FRMD4A: variants seen among roughly 807,000 people sequenced by gnomAD.
The protein encoded by FRMD4A is FERM domain-containing protein 4A.
In FRMD4A, 29 loss-of-function variants were observed where a neutral mutation model predicts 129.1. The ratio of observed to expected loss-of-function variants is 0.22; its 90% CI spans 0.17 to 0.31. The LOEUF (loss-of-function observed/expected upper bound fraction) is 0.31. FRMD4A is among the 10% of genes least tolerant of loss of function. FRMD4A has a pLI of 1.00. For synonymous variants in FRMD4A, 634 were observed against 571.6 expected (o/e 1.11, Z -1.56); for missense variants, 1,272 against 1,375.8 (o/e 0.92, Z 1.19).
At chr10:13,904,992 C>CAAAAAAAAAA (rs397772526) in intron 2 of FRMD4A, among the ~76,000 whole-genome samples, 1 of 109,394 alleles carries the variant, frequency 9.1e-6, no homozygotes, top group African/African-American at 3.6e-5. Context: ...GACTCTATCT[C>CAAAAAAAAAA]AAAAAAAAAA....
rs779767046 is a variant in FRMD4A, at chr10:13,700,488, G to T, written c.975+852C>A. Among the ~76,000 whole-genome samples, 6 of 152,310 alleles carry T rather than the reference G, an allele frequency of 3.9e-5. 1 individual carries two copies. The South Asian group carries it at 8.3e-4, about 21-fold the overall frequency. On this transcript the variant is annotated intron_variant, in intron 14 of 24. Coordinates refer to ENST00000357447, the MANE Select transcript of FRMD4A (RefSeq NM_018027.5). ...AGTGCTAGAAACCACTAGCCCAGGG[G>T]CCCAGGGTGACCTCAGTCTGTATTC...
chr10:14,210,004 C>T (rs563570853), intron 2 of FRMD4A, among the ~76,000 whole-genome samples: 40 of 152,264 alleles, frequency 2.6e-4, no homozygotes, highest in Admixed American at 9.8e-4. Context: ...GGAAGGATTC[C>T]AGGAGGAGCC....
At chr10:13,728,582 T>TTTTTTTTTTTTTTC (rs2090085998) in intron 12 of FRMD4A, among the ~76,000 whole-genome samples, 1 of 133,586 alleles carries the variant, frequency 7.5e-6, no homozygotes, top group African/African-American at 2.7e-5. Flanking sequence ...TCTTTTTTTT[T>TTTTTTTTTTTTTTC]TTTTTTTTGA....
At chr10:14,091,176 A>C (rs1836639278) in intron 2 of FRMD4A, among the ~76,000 whole-genome samples, 1 of 152,158 alleles carries the variant, frequency 6.6e-6, no homozygotes, top group Admixed American at 6.5e-5. Context: ...CACAAAATTC[A>C]CTTAATTTCT....
chr10:13,771,769 T>A (rs1233756313), intron 6 of FRMD4A, among the ~76,000 whole-genome samples: 1 of 152,012 alleles, frequency 6.6e-6, no homozygotes, highest in Non-Finnish European at 1.5e-5. Context: ...AATTGAAATG[T>A]GATGAATGTC....
chr10:13,952,355 G>A (rs955167728), intron 2 of FRMD4A, among the ~76,000 whole-genome samples: 1 of 151,824 alleles, frequency 6.6e-6, no homozygotes, highest in Non-Finnish European at 1.5e-5. Context: ...TTAAAAAGGA[G>A]CCAGGTGTGG....
At chr10:13,706,510 C>T (rs922946360) in intron 13 of FRMD4A, among the ~76,000 whole-genome samples, 1 of 152,068 alleles carries the variant, frequency 6.6e-6, no homozygotes, top group African/African-American at 2.4e-5. Context: ...CACATCCACC[C>T]ACAATACTAA....
chr10:13,651,695 T>C (rs2081604207), intron 24 of FRMD4A: 4 of 568,134 alleles, frequency 7.0e-6, no homozygotes, highest in African/African-American at 1.9e-5. Flanking sequence ...ACTCTGGGGG[T>C]CTTTTCTGGG....
At chr10:13,864,292 C>T (rs1279942602) in intron 2 of FRMD4A, among the ~76,000 whole-genome samples, 5 of 145,648 alleles carry the variant, frequency 3.4e-5, no homozygotes, top group East Asian at 2.0e-4. Flanking sequence ...CACCACACCC[C>T]GCCATAGCAA....
intron 14 of FRMD4A, among the ~76,000 whole-genome samples, chr10:13,696,872 A>T (rs1047250103): frequency 1.3e-5 from 2 of 152,202 alleles, no homozygotes; most frequent in Non-Finnish European, 2.9e-5. Context: ...CCCACATCCC[A>T]GAGTTGTGAT....
chr10:13,740,092 C>G (rs1290536012), intron 11 of FRMD4A, 102 bp downstream of exon 11: 4 of 778,778 alleles, frequency 5.1e-6, no homozygotes, highest in Non-Finnish European at 6.7e-6. Context: ...AAGCAAGACT[C>G]TATCTCAAAA....
chr10:14,043,585 C>T (rs1411278868), intron 2 of FRMD4A, among the ~76,000 whole-genome samples: 1 of 152,188 alleles, frequency 6.6e-6, no homozygotes, highest in Non-Finnish European at 1.5e-5. Context: ...ATGAGGATTT[C>T]TCTGTTTCCT....
At chr10:13,894,201 C>T (rs1445102452) in intron 2 of FRMD4A, among the ~76,000 whole-genome samples, 1 of 152,210 alleles carries the variant, frequency 6.6e-6, no homozygotes, top group Non-Finnish European at 1.5e-5. Context: ...ACCAGGATGT[C>T]TCCAGCAGCC....
intron 2 of FRMD4A, among the ~76,000 whole-genome samples, chr10:14,309,790 A>G (rs961577250): frequency 2.6e-5 from 4 of 151,906 alleles, no homozygotes; most frequent in African/African-American, 9.7e-5. Context: ...CCTCTTCCCA[A>G]CGTAGTCTTC....
At chr10:13,993,491 T>G (rs2095610906) in intron 2 of FRMD4A, among the ~76,000 whole-genome samples, 1 of 152,228 alleles carries the variant, frequency 6.6e-6, no homozygotes, top group Non-Finnish European at 1.5e-5. Flanking sequence ...TAGTTTTAAG[T>G]AGGACCACAC....
rs988637918 is a variant in FRMD4A, at chr10:13,742,405, C to T, written c.549-1828G>A. Among the ~76,000 whole-genome samples the T allele has an allele frequency of 2.6e-5, 4 of 152,214 alleles. No homozygotes were observed. The South Asian group carries it at 8.3e-4, about 31-fold the overall frequency. On this transcript the variant is annotated intron_variant, in intron 9 of 24. Transcript: ENST00000357447. ...TGGTCTGGCCCCAGAGCCTTGGAACCTCAGTTCTCACTCTCAGGTCTTACT... is the reference window on the plus strand; with the variant it reads ...TGGTCTGGCCCCAGAGCCTTGGAACTTCAGTTCTCACTCTCAGGTCTTACT...
intron 3 of FRMD4A, among the ~76,000 whole-genome samples, chr10:13,815,656 T>G (rs1185045782): frequency 1.3e-5 from 2 of 152,168 alleles, no homozygotes; most frequent in Non-Finnish European, 1.5e-5. Context: ...CTACCTCTGT[T>G]GACCCTGCTT....
chr10:14,054,238 C>T (rs1234947822), intron 2 of FRMD4A, among the ~76,000 whole-genome samples: 1 of 152,146 alleles, frequency 6.6e-6, no homozygotes, highest in Non-Finnish European at 1.5e-5. Flanking sequence ...AAACAAACCA[C>T]CCTGGTTCTT....
intron 9 of FRMD4A, among the ~76,000 whole-genome samples, chr10:13,742,763 C>T (rs929531386): frequency 6.6e-6 from 1 of 152,190 alleles, no homozygotes; most frequent in Admixed American, 6.5e-5. Flanking sequence ...ATAATCTGCC[C>T]ATCTCAGCCT....
Sources: allele counts gnomAD v4.1 joint callset (sites outside exome capture counted in the v4.1 genomes callset), GRCh38; gene constraint gnomAD v4.1.1; transcripts MANE v1.5; gene names NCBI Gene and HGNC (gene_info 2026-07-23, HGNC 2026-07-21).